The following PDE11A variants were observed in gnomAD, a reference collection of about 807,000 sequenced individuals.
PDE11A encodes the protein dual 3',5'-cyclic-AMP and -GMP phosphodiesterase 11A.
In PDE11A, 100 loss-of-function variants were observed where a neutral mutation model predicts 100.5. That is an observed-to-expected ratio of 1.00 (90% CI 0.85 to 1.18). PDE11A has a LOEUF of 1.18. Ranked by LOEUF, PDE11A falls within the 50% of genes most tolerant of loss-of-function variation. The probability of loss-of-function intolerance (pLI) is 0.00; values close to 1 mark genes in which losing one functional copy is unlikely to be tolerated. For synonymous variants in PDE11A, 381 were observed against 420.8 expected (o/e 0.91, Z 1.16); for missense variants, 1,141 against 1,152.6 (o/e 0.99, Z 0.15).
At chr2:178,048,849 A>G (rs1387506852) in intron 1 of PDE11A, among the ~76,000 whole-genome samples, 1 of 151,996 alleles carries the variant, frequency 6.6e-6, no homozygotes, top group Non-Finnish European at 1.5e-5. Flanking sequence ...CTTTTTTCTC[A>G]TCTGAATTGG....
intron 5 of PDE11A, among the ~76,000 whole-genome samples, chr2:177,848,273 G>T (rs958873652): frequency 6.6e-6 from 1 of 152,094 alleles, no homozygotes; most frequent in Non-Finnish European, 1.5e-5. Context: ...GAAAAAAACA[G>T]CAGACAGTAA....
intron 19 of PDE11A, among the ~76,000 whole-genome samples, chr2:177,648,465 A>G (rs1385351706): frequency 6.6e-6 from 1 of 152,230 alleles, no homozygotes; most frequent in Non-Finnish European, 1.5e-5. Flanking sequence ...TATCTTTTAA[A>G]TGTTGGAAAG....
At chr2:177,810,498 A>C (rs1463452012) in intron 9 of PDE11A, among the ~76,000 whole-genome samples, 1 of 152,186 alleles carries the variant, frequency 6.6e-6, no homozygotes, top group Admixed American at 6.6e-5. Context: ...TGATGGGAAC[A>C]TTTTGAGTGG....
chr2:178,017,721 G>A (rs2086356688), intron 1 of PDE11A, among the ~76,000 whole-genome samples: 1 of 152,138 alleles, frequency 6.6e-6, no homozygotes, highest in Non-Finnish European at 1.5e-5. Flanking sequence ...AGCACGTTGG[G>A]AGGCTGAGGC....
chr2:177,913,598 A>G (rs2084912693), intron 2 of PDE11A, among the ~76,000 whole-genome samples: 1 of 152,158 alleles, frequency 6.6e-6, no homozygotes, highest in Admixed American at 6.5e-5. Flanking sequence ...GGCTACAGTC[A>G]CACAATATCT....
chr2:177,775,032 A>G (rs1346022820), intron 9 of PDE11A, among the ~76,000 whole-genome samples: 3 of 152,170 alleles, frequency 2.0e-5, no homozygotes, highest in Admixed American at 2.0e-4. Flanking sequence ...AGACTTGACT[A>G]GCCATTGCTA....
At position 178,016,131 on chromosome 2, in the gene PDE11A, A is replaced by ATTTTTT. The variant is rs55638601; in HGVS notation, c.913-1677_913-1672dup. 1.6e-3 allele frequency among the ~76,000 whole-genome samples: 135 copies of ATTTTTT among 83,740 alleles called. 5 individuals are homozygous for ATTTTTT. The highest frequency in any genetic ancestry group is 2.6e-3 in the African/African-American group (52 of 20,334). 54.9% of individuals were successfully genotyped at this position (83,740 alleles called of 152,430 possible). A position where few individuals can be genotyped will look rare whatever the true frequency, so the allele number is the denominator to read the frequency against. On this transcript the variant is annotated intron_variant, in intron 1 of 19. Transcript: ENST00000286063. ...AGATGCAAGCCATCATGCCTGGCTA[A>ATTTTTT]TTTTTTTTTTTTTTTTTTTTTTTTG...
chr2:177,940,794 G>A (rs545893068), intron 2 of PDE11A, among the ~76,000 whole-genome samples: 55 of 152,244 alleles, frequency 3.6e-4, no homozygotes, highest in South Asian at 2.1e-4. Flanking sequence ...AATATATACC[G>A]TGAGTCTCTT....
At position 177,684,551 on chromosome 2, in the gene PDE11A, T is replaced by G. The variant is rs1574041769; in HGVS notation, c.2346-3648A>C. 2.6e-5 allele frequency among the ~76,000 whole-genome samples: 4 copies of G among 152,200 alleles called. No individual in the cohort carries two copies. In the South Asian group the frequency reaches 8.3e-4, roughly 32 times the overall value. On this transcript the variant is annotated intron_variant, in intron 15 of 19. Transcript: ENST00000286063. ...GATGAGGATGATATTCACTGGGTCT[T>G]TACTGTGTTCCTGGCAGACTTAATG...
intron 5 of PDE11A, among the ~76,000 whole-genome samples, chr2:177,845,144 C>G (rs1481827962): frequency 2.0e-5 from 3 of 150,942 alleles, no homozygotes; most frequent in Non-Finnish European, 4.4e-5. Context: ...ACCTCCCGGA[C>G]GGGGCGGCTG....
chr2:177,876,584 G>C (rs932433606), intron 4 of PDE11A, among the ~76,000 whole-genome samples: 1 of 148,458 alleles, frequency 6.7e-6, no homozygotes, highest in Non-Finnish European at 1.5e-5. Context: ...AGTTTACACT[G>C]TAAACCAGGC....
intron 2 of PDE11A, among the ~76,000 whole-genome samples, chr2:178,103,189 G>GC (rs2087580958): frequency 6.6e-6 from 1 of 152,102 alleles, no homozygotes; most frequent in Admixed American, 6.5e-5. Flanking sequence ...CCAGTGGGGG[G>GC]GGAAGGAATG....
intron 6 of PDE11A, among the ~76,000 whole-genome samples, 177 bp from the exon 7 acceptor site, chr2:177,820,472 C>T (rs1367105681): frequency 6.6e-6 from 1 of 151,920 alleles, no homozygotes; most frequent in African/African-American, 2.4e-5. Flanking sequence ...TCACAATGAA[C>T]ATCCTAAAGG....
intron 1 of PDE11A, among the ~76,000 whole-genome samples, chr2:178,068,697 TTTG>T (rs879660249): frequency 0.015 from 2,247 of 152,270 alleles, 45 homozygotes; most frequent in East Asian, 0.091. Flanking sequence ...AGAACATGTA[TTTG>T]GAAGGTTGTC....
chr2:177,938,006 G>A (rs2105769860), intron 2 of PDE11A, among the ~76,000 whole-genome samples: 1 of 152,244 alleles, frequency 6.6e-6, no homozygotes, highest in Middle Eastern at 3.4e-3. Flanking sequence ...ATTTTTCTTT[G>A]ACCTCCAACC....
At chr2:177,878,157 A>G (rs2084271029) in intron 4 of PDE11A, among the ~76,000 whole-genome samples, 1 of 152,346 alleles carries the variant, frequency 6.6e-6, no homozygotes, top group African/African-American at 2.4e-5. Flanking sequence ...AATACCCTTG[A>G]CAACTATAGA....
intron 1 of PDE11A, among the ~76,000 whole-genome samples, chr2:178,050,036 C>T (rs181926704): frequency 8.5e-5 from 13 of 152,272 alleles, no homozygotes; most frequent in East Asian, 5.8e-4. Flanking sequence ...GATCTGGGAA[C>T]GGACAGACTG....
intron 2 of PDE11A, among the ~76,000 whole-genome samples, chr2:178,000,852 C>T (rs568693940): frequency 3.9e-5 from 6 of 152,108 alleles, no homozygotes; most frequent in Non-Finnish European, 8.8e-5. Context: ...AAGTATTAAA[C>T]CTCAGTTTAT....
chr2:178,082,049 C>A (rs1258703523), intron 2 of PDE11A, among the ~76,000 whole-genome samples: 2 of 152,204 alleles, frequency 1.3e-5, no homozygotes, highest in Non-Finnish European at 2.9e-5. Flanking sequence ...ATCTCCATCA[C>A]CACCTTTAAT....
Sources: gnomAD v4.1 joint callset for allele counts (sites outside exome capture counted in the v4.1 genomes callset) on GRCh38, gnomAD v4.1.1 for gene constraint, MANE v1.5 for transcripts, NCBI Gene and HGNC (gene_info 2026-07-23, HGNC 2026-07-21) for gene names.